DPP10: variants seen among roughly 807,000 people sequenced by gnomAD.
DPP10 encodes inactive dipeptidyl peptidase 10.
Under a neutral mutation model 120.9 loss-of-function variants are expected in DPP10, and 33 were observed. That is an observed-to-expected ratio of 0.27 (90% confidence interval 0.21 to 0.37). The LOEUF (loss-of-function observed/expected upper bound fraction) is 0.37, where lower values mean the gene tolerates loss of function less well. DPP10 is among the 10% of genes least tolerant of loss of function. The pLI is 1.00. For synonymous variants in DPP10, 337 were observed against 326.1 expected (o/e 1.03, Z -0.36); for missense variants, 816 against 942.8 (o/e 0.87, Z 1.76).
At chr2:115,289,503 A>AAAAAAAAAAAT (rs70941042) in intron 1 of DPP10, among the ~76,000 whole-genome samples, 1 of 96,266 alleles carries the variant, frequency 1.0e-5, no homozygotes, top group African/African-American at 4.2e-5. Flanking sequence ...AAAAAAAAAA[A>AAAAAAAAAAAT]AGGAAGAAAA....
chr2:115,835,017 C>T (rs1052540048), intron 21 of DPP10, among the ~76,000 whole-genome samples: 2 of 150,610 alleles, frequency 1.3e-5, no homozygotes, highest in South Asian at 4.2e-4. Context: ...ACCCGGGGGG[C>T]GGAGCTTGCA....
chr2:115,457,008 G>A (rs556798243), intron 3 of DPP10, among the ~76,000 whole-genome samples: 3 of 151,922 alleles, frequency 2.0e-5, no homozygotes, highest in African/African-American at 7.2e-5. Flanking sequence ...TGCCATACCC[G>A]ATTTCAAAAC....
intron 3 of DPP10, among the ~76,000 whole-genome samples, chr2:115,357,218 G>A (rs2064450000): frequency 1.3e-5 from 2 of 152,190 alleles, no homozygotes; most frequent in African/African-American, 2.4e-5. Context: ...CAAGTTCAGA[G>A]TCTCATCTGA....
At chr2:115,634,262 C>T (rs1176002417) in intron 5 of DPP10, among the ~76,000 whole-genome samples, 3 of 152,190 alleles carry the variant, frequency 2.0e-5, no homozygotes, top group Admixed American at 2.0e-4. Flanking sequence ...GTGCTGCAAT[C>T]ATTTGGAGGA....
At chr2:115,489,095 C>G (rs2075947971) in intron 3 of DPP10, among the ~76,000 whole-genome samples, 1 of 152,004 alleles carries the variant, frequency 6.6e-6, no homozygotes, top group South Asian at 2.1e-4. Flanking sequence ...TAGGCTAACA[C>G]AGATTCCAGC....
chr2:114,913,798 C>G (rs1694568989), intron 1 of DPP10, among the ~76,000 whole-genome samples: 1 of 152,074 alleles, frequency 6.6e-6, no homozygotes, highest in African/African-American at 2.4e-5. Context: ...AAATGAAACC[C>G]AATCCAAGGA....
At chr2:115,394,731 A>C (rs2067561257) in intron 3 of DPP10, among the ~76,000 whole-genome samples, 1 of 152,140 alleles carries the variant, frequency 6.6e-6, no homozygotes, top group Non-Finnish European at 1.5e-5. Flanking sequence ...TCATTTGCTG[A>C]TGGTGGCACA....
intron 1 of DPP10, among the ~76,000 whole-genome samples, chr2:114,803,136 C>T (rs147078043): frequency 5.3e-5 from 8 of 152,248 alleles, no homozygotes; most frequent in African/African-American, 9.6e-5. Context: ...CTCAGAGATC[C>T]GATGGATTTA....
Position 115,801,290 on chromosome 2 carries a change from G to C in DPP10, c.1700+9934G>C, listed in dbSNP as rs895902973. ...TGATTTTTGTACATTGATTTTGTAT[G>C]CTGAGACTTTGCTGAAGTTGCTTAT... On this transcript the variant is annotated intron_variant, in intron 19 of 25. Transcript: ENST00000410059. Among the ~76,000 whole-genome samples, 537 of 152,226 alleles carry C rather than the reference G, an allele frequency of 3.5e-3. 1 individual carries two copies. The highest frequency in any genetic ancestry group is 0.012 in the African/African-American group (496 of 41,544).
chr2:115,468,103 C>T, intron 3 of DPP10: 1 of 476,686 alleles, frequency 2.1e-6, no homozygotes, highest in Admixed American at 2.2e-5. Context: ...AGGATGTCCT[C>T]AAGTTTCTTA....
chr2:114,464,437 G>A (rs538986162), intron 1 of DPP10, among the ~76,000 whole-genome samples: 1 of 151,954 alleles, frequency 6.6e-6, no homozygotes, highest in South Asian at 2.1e-4. Flanking sequence ...TTTTTAACTG[G>A]GTTATTTATT....
intron 5 of DPP10, among the ~76,000 whole-genome samples, chr2:115,566,486 T>G (rs1172124807): frequency 6.6e-6 from 1 of 152,136 alleles, no homozygotes; most frequent in Non-Finnish European, 1.5e-5. Context: ...TTTTATCCTA[T>G]GTCTTATAAC....
At chr2:114,489,363 C>T (rs995180014) in intron 1 of DPP10, among the ~76,000 whole-genome samples, 4 of 152,218 alleles carry the variant, frequency 2.6e-5, no homozygotes, top group African/African-American at 9.6e-5. Context: ...AAACAAAGGG[C>T]AGAAGCTTCC....
intron 5 of DPP10, among the ~76,000 whole-genome samples, chr2:115,587,155 T>C (rs1332461082): frequency 7.0e-6 from 1 of 143,606 alleles, no homozygotes; most frequent in Non-Finnish European, 1.5e-5. Flanking sequence ...TGGAGTCCAG[T>C]GGCACGATCT....
chr2:114,540,742 G>C (rs1210088092), intron 1 of DPP10, among the ~76,000 whole-genome samples: 1 of 152,148 alleles, frequency 6.6e-6, no homozygotes, highest in African/African-American at 2.4e-5. Flanking sequence ...TCTAAACTGA[G>C]AGAGTTCATG....
chr2:114,712,480 T>C (rs1046471433), intron 1 of DPP10, among the ~76,000 whole-genome samples: 2 of 152,154 alleles, frequency 1.3e-5, no homozygotes, highest in Non-Finnish European at 2.9e-5. Flanking sequence ...AGACATGAGG[T>C]AGGACTCCTT....
At chr2:115,348,402 A>G (rs1270642181) in intron 3 of DPP10, among the ~76,000 whole-genome samples, 1 of 152,146 alleles carries the variant, frequency 6.6e-6, no homozygotes, top group Non-Finnish European at 1.5e-5. Flanking sequence ...ATTGTGTAAC[A>G]GTGATTGTCT....
chr2:115,244,378 A>G (rs2105601345), intron 1 of DPP10, among the ~76,000 whole-genome samples: 2 of 151,854 alleles, frequency 1.3e-5, no homozygotes, highest in Middle Eastern at 6.8e-3. Context: ...ATAGCAAAAT[A>G]TTTCACCAAG....
chr2:115,471,517 T>A (rs930782044), intron 3 of DPP10, among the ~76,000 whole-genome samples: 1 of 152,138 alleles, frequency 6.6e-6, no homozygotes, highest in Non-Finnish European at 1.5e-5. Flanking sequence ...AGGTTCGCAG[T>A]CTTACATCTT....
Sources: allele counts gnomAD v4.1 joint callset (sites outside exome capture counted in the v4.1 genomes callset), GRCh38; gene constraint gnomAD v4.1.1; transcripts MANE v1.5; gene names NCBI Gene and HGNC (gene_info 2026-07-23, HGNC 2026-07-21).